DOCK11: variants seen among roughly 807,000 people sequenced by gnomAD.
DOCK11 encodes dedicator of cytokinesis protein 11.
A neutral mutation model predicts 169.1 loss-of-function variants in DOCK11; 70 were observed. The ratio of observed to expected loss-of-function variants is 0.41; its 90% CI spans 0.34 to 0.51. DOCK11 has a LOEUF of 0.51. Among genes scored for constraint, DOCK11 ranks in the 20% least tolerant of loss-of-function variants. The probability of loss-of-function intolerance (pLI) is 0.10; values close to 1 mark genes in which losing one functional copy is unlikely to be tolerated. For missense variants in DOCK11, 1,166 were observed against 1,538.8 expected (o/e 0.76, Z 4.05); for synonymous variants, 529 against 541.3 (o/e 0.98, Z 0.32).
intron 36 of DOCK11, among the ~76,000 whole-genome samples, chrX:118,637,684 G>A (rs2015425714): frequency 1.8e-5 from 2 of 111,463 alleles, no homozygotes; most frequent in Admixed American, 9.6e-5. Flanking sequence ...ATTTGAGCCT[G>A]GGAGGTCGAG....
intron 35 of DOCK11, chrX:118,634,075 C>G (rs2015320947): frequency 8.9e-6 from 1 of 112,236 alleles, no homozygotes; most frequent in Non-Finnish European, 1.9e-5. Flanking sequence ...GTTTAGTCAA[C>G]TCTTTAATTT....
At chrX:118,636,915 T>C (rs774394737) in intron 36 of DOCK11, among the ~76,000 whole-genome samples, 2 of 111,843 alleles carry the variant, frequency 1.8e-5, no homozygotes, top group South Asian at 7.5e-4. Flanking sequence ...AGTCTGGACA[T>C]GGGAAGTTGT....
At chrX:118,532,552 G>A (rs1376778302) in intron 1 of DOCK11, among the ~76,000 whole-genome samples, 3 of 109,411 alleles carry the variant, frequency 2.7e-5, no homozygotes, top group East Asian at 5.7e-4. Flanking sequence ...AGGCCGAGGC[G>A]GGTGGATCAC....
intron 40 of DOCK11, 38 bp downstream of exon 40, chrX:118,643,632 T>C (rs2015585069): frequency 8.4e-7 from 1 of 1,192,378 alleles, no homozygotes; most frequent in African/African-American, 1.8e-5. Flanking sequence ...GTGGGCTCTC[T>C]TCATTGCAAA....
At chrX:118,563,166 G>A (rs73585594) in intron 7 of DOCK11, among the ~76,000 whole-genome samples, 5,654 of 112,009 alleles carry the variant, frequency 0.05, 267 homozygotes, top group African/African-American at 0.14. Context: ...GGGCTGATTA[G>A]GAGGAAAGTG....
chrX:118,684,271 CTTTTTTTTTT>C (rs1197326228), intron 52 of DOCK11, among the ~76,000 whole-genome samples: 4 of 78,597 alleles, frequency 5.1e-5, no homozygotes, highest in Non-Finnish European at 7.5e-5. Context: ...TTTTTTTTTT[CTTTTTTTTTT>C]TTTTTTTTGA....
At position 118,599,215 on chromosome X, in the gene DOCK11, T is replaced by A. The variant is rs1472773055; in HGVS notation, c.2549T>A (p.Ile850Asn). 8.3e-7 allele frequency: 1 copy of A among 1,202,110 alleles called. No homozygotes were observed. Among genetic ancestry groups the A allele is most frequent in the East Asian group, 3.0e-5 (1 of 33,770 alleles). Reference sequence around the variant, plus strand: ...TCGAAAGAAGTTCCAGGGGAGCTCATTAAATATTTAAAGGTAAATGAACAG... The same window carrying A: ...TCGAAAGAAGTTCCAGGGGAGCTCAATAAATATTTAAAGGTAAATGAACAG... Reference protein sequence around the residue: ...SGSKEVPGELIKYLKCLHAME... With the variant: ...SGSKEVPGELNKYLKCLHAME... Residue 850 changes from isoleucine to asparagine, a missense_variant, in exon 23 of 53, where the codon ATT becomes AAT. Physicochemically the swap from Ile to Asn is moderately radical, Grantham distance 149. Coordinates refer to ENST00000276202, the MANE Select transcript of DOCK11 (RefSeq NM_144658.4).
chrX:118,526,831 G>A (rs1249084231), intron 1 of DOCK11, among the ~76,000 whole-genome samples: 1 of 112,503 alleles, frequency 8.9e-6, no homozygotes, highest in Non-Finnish European at 1.9e-5. Flanking sequence ...TACATTGGAA[G>A]GACTGGACTT....
intron 1 of DOCK11, among the ~76,000 whole-genome samples, chrX:118,508,906 G>T (rs1326386284): frequency 8.9e-6 from 1 of 112,227 alleles, no homozygotes; most frequent in East Asian, 2.8e-4. Context: ...CTCCCTGCCT[G>T]CCCTGCTTCC....
intron 20 of DOCK11, among the ~76,000 whole-genome samples, chrX:118,594,881 G>A (rs746657446): frequency 2.0e-4 from 22 of 110,433 alleles, no homozygotes; most frequent in Non-Finnish European, 3.8e-4. Context: ...GGATTATGGG[G>A]TGAAGGAACA....
intron 44 of DOCK11, among the ~76,000 whole-genome samples, chrX:118,659,754 T>C (rs1266154584): frequency 1.8e-5 from 2 of 111,697 alleles, no homozygotes; most frequent in African/African-American, 6.5e-5. Flanking sequence ...GTTTATGTCT[T>C]TGTTCCTGAG....
intron 16 of DOCK11, among the ~76,000 whole-genome samples, chrX:118,587,244 A>G (rs1357404827): frequency 8.9e-6 from 1 of 111,789 alleles, no homozygotes; most frequent in Non-Finnish European, 1.9e-5. Flanking sequence ...ATCAGGATAA[A>G]GTTCTATATA....
chrX:118,590,397 C>T (rs2013953933), intron 19 of DOCK11, 95 bp downstream of exon 19: 2 of 722,933 alleles, frequency 2.8e-6, no homozygotes, highest in Non-Finnish European at 4.2e-6. Context: ...ACTTTCAATC[C>T]CTGAGTGTTT....
At chrX:118,674,880 G>A (rs1307287363) in intron 46 of DOCK11, among the ~76,000 whole-genome samples, 3 of 111,989 alleles carry the variant, frequency 2.7e-5, no homozygotes, top group African/African-American at 9.7e-5. Flanking sequence ...CCTAGTGCAT[G>A]TGAAGTGGCA....
intron 31 of DOCK11, among the ~76,000 whole-genome samples, chrX:118,620,921 AAG>A (rs1162630662): frequency 1.8e-5 from 2 of 112,874 alleles, no homozygotes; most frequent in South Asian, 3.6e-4. Context: ...TTTCACATGA[AAG>A]AGAAAGAAAA....
intron 36 of DOCK11, among the ~76,000 whole-genome samples, chrX:118,636,866 T>TACAC (rs2147506802): frequency 9.3e-6 from 1 of 107,321 alleles, no homozygotes; most frequent in Admixed American, 9.7e-5. Flanking sequence ...CACACACACG[T>TACAC]GTATATGTAT....
chrX:118,589,315 CA>C (rs1402667805), intron 18 of DOCK11, among the ~76,000 whole-genome samples: 1 of 111,493 alleles, frequency 9.0e-6, no homozygotes, highest in Non-Finnish European at 1.9e-5. Context: ...GAGATGAGAA[CA>C]ACTGCTCTAT....
chrX:118,546,850 C>T (rs1224971188), intron 6 of DOCK11, among the ~76,000 whole-genome samples: 3 of 110,892 alleles, frequency 2.7e-5, no homozygotes, highest in African/African-American at 9.9e-5. Context: ...ATTAGCCTGG[C>T]GTGATAGCAC....
chrX:118,646,364 A>G (rs1386619909), intron 40 of DOCK11, among the ~76,000 whole-genome samples: 1 of 111,329 alleles, frequency 9.0e-6, no homozygotes, highest in Non-Finnish European at 1.9e-5. Context: ...AAAAAAAATC[A>G]GGAGCAGAAC....
Sources: allele counts gnomAD v4.1 joint callset (sites outside exome capture counted in the v4.1 genomes callset), GRCh38; gene constraint gnomAD v4.1.1; transcripts MANE v1.5; gene names NCBI Gene and HGNC (gene_info 2026-07-23, HGNC 2026-07-21).